Variants in PODXL observed in about 807,000 individuals in gnomAD.
The protein encoded by PODXL is podocalyxin like.
PODXL carries 20 observed loss-of-function variants against 48.9 expected under a neutral mutation model. That is an observed-to-expected ratio of 0.41 (90% CI 0.29 to 0.59). The LOEUF is 0.59. Among genes scored for constraint, PODXL ranks in the 20% least tolerant of loss-of-function variants. The pLI, the probability that PODXL is intolerant of heterozygous loss-of-function variation, is 0.31. For missense variants in PODXL, 606 were observed against 675.1 expected, an observed-to-expected ratio of 0.90 and a Z score of 1.13; for synonymous variants, 295 against 287.4, an observed-to-expected ratio of 1.03 and a Z score of -0.27.
At position 131,508,183 on chromosome 7, in the gene PODXL, T is replaced by C. The variant is rs868024931; in HGVS notation, c.1101+768A>G. On this transcript the variant is annotated intron_variant, in intron 5 of 8. Coordinates refer to ENST00000378555, the MANE Select transcript of PODXL (RefSeq NM_001018111.3). ...GGCCTGAAGGCTGCTCACACACTGCTACCTCCCTCACACAGGTGTGCTCAC... is the reference window on the plus strand; with the variant it reads ...GGCCTGAAGGCTGCTCACACACTGCCACCTCCCTCACACAGGTGTGCTCAC... Among the ~76,000 whole-genome samples, 4 of 152,204 alleles carry C rather than the reference T, an allele frequency of 2.6e-5. No homozygotes were observed. In the South Asian group the frequency reaches 8.3e-4, roughly 31 times the overall value.
chr7:131,523,678 CAAAAAAAAAAAAAAAA>C (rs753654977), intron 1 of PODXL, among the ~76,000 whole-genome samples: 10 of 61,940 alleles, frequency 1.6e-4, no homozygotes, highest in African/African-American at 8.0e-4. Context: ...GAATCCGTCT[CAAAAAAAAAAAAAAAA>C]AAAAAAAACA....
chr7:131,517,613 C>T (rs1204845279), intron 1 of PODXL, among the ~76,000 whole-genome samples: 2 of 152,162 alleles, frequency 1.3e-5, no homozygotes, highest in African/African-American at 2.4e-5. Flanking sequence ...ATTGGCAGGG[C>T]CATGCTCCCT....
rs886601932 is a variant in PODXL, at chr7:131,523,108, A to G, written c.101-11675T>C. On this transcript the variant is annotated intron_variant, in intron 1 of 8. Coordinates refer to ENST00000378555, the MANE Select transcript of PODXL (RefSeq NM_001018111.3). ...TAGTATCTGGAGGGACTGCCAAGCT[A>G]TTTTCCAAAGTGGCTACCCCATTTT... Among the ~76,000 whole-genome samples the G allele has an allele frequency of 2.0e-5, 3 of 152,150 alleles. No individual in the cohort carries two copies. The South Asian group carries it at 6.2e-4, about 32-fold the overall frequency.
intron 1 of PODXL, among the ~76,000 whole-genome samples, chr7:131,522,561 T>G (rs1798107675): frequency 6.6e-6 from 1 of 152,104 alleles, no homozygotes; most frequent in Non-Finnish European, 1.5e-5. Flanking sequence ...ACTGGAGGAC[T>G]TTGCAGCCCC....
At chr7:131,510,764 C>G in intron 2 of PODXL, 64 bp downstream of exon 2, 1 of 1,598,470 alleles carries the variant, frequency 6.3e-7, no homozygotes, top group Middle Eastern at 1.7e-4. Flanking sequence ...TGAGCCTTTT[C>G]AGAGCCATCA....
intron 1 of PODXL, among the ~76,000 whole-genome samples, chr7:131,531,234 GA>G (rs1798276107): frequency 6.6e-6 from 1 of 152,076 alleles, no homozygotes; most frequent in African/African-American, 2.4e-5. Context: ...TTCTGCTCTG[GA>G]ATCTTATTAA....
rs950226946 is a variant in PODXL, at chr7:131,556,505, G to C, written c.-146C>G. The C allele has an allele frequency of 7.0e-5, 68 of 970,884 alleles. No individual in the cohort carries two copies. The highest frequency in any genetic ancestry group is 9.0e-5 in the Non-Finnish European group (67 of 748,412). The allele number at this position is 970,884 out of a possible 1,614,324, so 60.1% of individuals were successfully genotyped here. The stretch of plus-strand genomic sequence containing the variant: ...CTGTGGCCCGGGGCTCCCGAGTCGC[G>C]CTGCGGCGGCTCTTCCTCCCTGCCG... On this transcript the variant is annotated 5_prime_UTR_variant, in exon 1 of 9. Transcript: ENST00000378555.
intron 8 of PODXL, among the ~76,000 whole-genome samples, chr7:131,505,521 C>T (rs1291119897): frequency 6.6e-6 from 1 of 152,124 alleles, no homozygotes; most frequent in African/African-American, 2.4e-5. Context: ...GTGGTGGGCA[C>T]CTGTAATCCC....
chr7:131,518,480 T>C (rs1409374348), intron 1 of PODXL, among the ~76,000 whole-genome samples: 1 of 152,068 alleles, frequency 6.6e-6, no homozygotes, highest in Admixed American at 6.5e-5. Context: ...ACATTAGTAT[T>C]GGATACTGGC....
At chr7:131,524,379 C>CACACAGAGAGAGAG (rs746255906) in intron 1 of PODXL, among the ~76,000 whole-genome samples, 21 of 104,100 alleles carry the variant, frequency 2.0e-4, no homozygotes, top group South Asian at 3.6e-4. Flanking sequence ...CACACACACA[C>CACACAGAGAGAGAG]AGAGAGAGAG....
chr7:131,510,335 GAAAAAA>G lies in PODXL; in HGVS notation c.707-10_707-5del, dbSNP rs56367324. ...ACATGGTGAAACACTGTCTCTACTT[GAAAAAA>G]AAAAAAAAAAAAAAAAAAAAATTAG... On this transcript the variant is annotated splice_region_variant and splice_polypyrimidine_tract_variant and intron_variant, in intron 2 of 8. Transcript: ENST00000378555. 2,299 of 79,778 alleles carry G rather than the reference GAAAAAA, an allele frequency of 0.029. No homozygotes were observed. The highest frequency in any genetic ancestry group is 0.062 in the South Asian group (551 of 8,862). The allele number at this position is 79,778 out of a possible 1,614,324, so 4.9% of individuals were successfully genotyped here.
chr7:131,521,508 T>C (rs889116604), intron 1 of PODXL, among the ~76,000 whole-genome samples: 2 of 151,988 alleles, frequency 1.3e-5, no homozygotes, highest in Non-Finnish European at 2.9e-5. Flanking sequence ...CGCCCGGTTG[T>C]ATTTTTAGTA....
chr7:131,547,972 G>C (rs1197535795), intron 1 of PODXL, among the ~76,000 whole-genome samples: 3 of 152,268 alleles, frequency 2.0e-5, no homozygotes, highest in African/African-American at 7.2e-5. Flanking sequence ...CCACAGGCCA[G>C]TGGGGGAACC....
intron 5 of PODXL, 177 bp from the exon 6 acceptor site, chr7:131,506,903 T>G: frequency 1.6e-6 from 1 of 641,116 alleles, no homozygotes; most frequent in Non-Finnish European, 2.7e-6. Context: ...TTGCATGCTG[T>G]TCTCCTGGGC....
At chr7:131,510,694 A>G (rs1797896712) in intron 2 of PODXL, 134 bp downstream of exon 2, 1 of 982,836 alleles carries the variant, frequency 1.0e-6, no homozygotes, top group African/African-American at 1.6e-5. Context: ...CTGGTCTCGA[A>G]CTCCTGACCT....
chr7:131,511,815 A>G (rs1797918515), intron 1 of PODXL, among the ~76,000 whole-genome samples: 1 of 152,196 alleles, frequency 6.6e-6, no homozygotes, highest in Non-Finnish European at 1.5e-5. Context: ...AATTCTGCTG[A>G]AGGCGAGCCC....
At chr7:131,514,997 G>A (rs191771258) in intron 1 of PODXL, among the ~76,000 whole-genome samples, 166 of 152,274 alleles carry the variant, frequency 1.1e-3, no homozygotes, top group Middle Eastern at 6.8e-3. Flanking sequence ...GATATTTCTT[G>A]TTATAGGCAG....
In PODXL at chr7:131,552,475, C is replaced by A. The variant is rs1038658903; in HGVS notation, c.100+3785G>T. Among the ~76,000 whole-genome samples the A allele has an allele frequency of 2.6e-5, 4 of 152,168 alleles. No individual in the cohort carries two copies. In the South Asian group the frequency reaches 8.3e-4, roughly 32 times the overall value. On this transcript the variant is annotated intron_variant, in intron 1 of 8. Coordinates refer to ENST00000378555, the MANE Select transcript of PODXL (RefSeq NM_001018111.3). ...AGTGGTGTTAAAACCCCAGGCAGCA[C>A]CCTCCTCTCCTTTCAAACATGGGTT...
intron 1 of PODXL, among the ~76,000 whole-genome samples, chr7:131,548,778 C>T (rs1393672998): frequency 2.0e-5 from 3 of 152,106 alleles, no homozygotes; most frequent in African/African-American, 7.2e-5. Flanking sequence ...GAGACATGGC[C>T]CCCTCCTGCT....
Sources: allele counts gnomAD v4.1 joint callset (sites outside exome capture counted in the v4.1 genomes callset), GRCh38; gene constraint gnomAD v4.1.1; transcripts MANE v1.5; gene names NCBI Gene and HGNC (gene_info 2026-07-23, HGNC 2026-07-21).